RBM20: variants seen among roughly 807,000 people sequenced by gnomAD.
The protein encoded by RBM20 is RNA-binding protein 20.
RBM20 carries 51 observed loss-of-function variants against 110.1 expected under a neutral mutation model. The observed-to-expected ratio is 0.46, with a 90% confidence interval of 0.37 to 0.59. RBM20 has a LOEUF of 0.59. RBM20 is among the 20% of genes least tolerant of loss of function. The probability of loss-of-function intolerance (pLI) is 0.00; values close to 1 mark genes in which losing one functional copy is unlikely to be tolerated. For missense variants in RBM20, 1,512 were observed against 1,574.9 expected (o/e 0.96, Z 0.68); for synonymous variants, 589 against 618.2 (o/e 0.95, Z 0.70).
At chr10:110,746,286 C>T (rs920640543) in intron 1 of RBM20, among the ~76,000 whole-genome samples, 4 of 152,180 alleles carry the variant, frequency 2.6e-5, no homozygotes, top group African/African-American at 9.7e-5. Flanking sequence ...TGCTTCAAAG[C>T]AAGTCAAGAG....
In RBM20 at chr10:110,821,889, C is replaced by T. The variant is rs1590702098; in HGVS notation, c.3270C>T (p.Ile1090=). 7 of 1,551,690 alleles carry T rather than the reference C, an allele frequency of 4.5e-6. No homozygotes were observed. The highest frequency in any genetic ancestry group is 2.4e-5 in the East Asian group (1 of 40,918). The change falls in exon 11 of 14, where the codon ATC becomes ATT. Residue 1090 remains isoleucine, a synonymous_variant. Coordinates refer to ENST00000369519, the MANE Select transcript of RBM20 (RefSeq NM_001134363.3). ...TGGAGGAGAAAGCCAGCCCCCCCAT[C>T]GAAACTGACCTCCAAAACCAAGCTT... ...SPLEEKASPP[I]ETDLQNQACQ... is the part of the protein sequence containing the mutation.
At chr10:110,811,604 GT>G (rs1216272503) in intron 8 of RBM20, among the ~76,000 whole-genome samples, 1 of 152,130 alleles carries the variant, frequency 6.6e-6, no homozygotes, top group Non-Finnish European at 1.5e-5. Context: ...CCTTGTCTGG[GT>G]TTCAGTTTCT....
chr10:110,790,345 T>G (rs1844468977), intron 5 of RBM20, among the ~76,000 whole-genome samples: 1 of 152,230 alleles, frequency 6.6e-6, no homozygotes, highest in African/African-American at 2.4e-5. Context: ...CTCCTGTCCC[T>G]CCAGCAAGGG....
chr10:110,734,341 A>G (rs1283463018), intron 1 of RBM20, among the ~76,000 whole-genome samples: 1 of 152,178 alleles, frequency 6.6e-6, no homozygotes, highest in Non-Finnish European at 1.5e-5. Flanking sequence ...GTCCACAAAT[A>G]CTGCTATGTC....
chr10:110,760,984 T>C (rs1419975772), intron 1 of RBM20, among the ~76,000 whole-genome samples: 1 of 149,278 alleles, frequency 6.7e-6, no homozygotes, highest in Non-Finnish European at 1.5e-5. Context: ...TAATCTCAGC[T>C]ACTCAGGAGG....
chr10:110,700,695 G>A (rs2134893065), intron 1 of RBM20, among the ~76,000 whole-genome samples: 1 of 152,248 alleles, frequency 6.6e-6, no homozygotes, highest in East Asian at 1.9e-4. Flanking sequence ...AGCAACCAAA[G>A]CAGGAAATGG....
At chr10:110,748,001 T>C (rs1843804555) in intron 1 of RBM20, among the ~76,000 whole-genome samples, 2 of 152,270 alleles carry the variant, frequency 1.3e-5, no homozygotes, top group East Asian at 3.8e-4. Context: ...CATATGCTTT[T>C]ATTTACTGTC....
upstream of RBM20, among the ~76,000 whole-genome samples, chr10:110,644,243 C>G (rs1030305732): frequency 2.0e-5 from 3 of 152,138 alleles, no homozygotes; most frequent in African/African-American, 7.2e-5. The surrounding 1 kb of genome is among the most constrained non-coding windows in gnomAD (Gnocchi z 4.3). Context: ...CCCTGGCCCC[C>G]GCCCCCGCGT....
chr10:110,656,309 GA>G (rs943440630), intron 1 of RBM20, among the ~76,000 whole-genome samples: 16 of 149,002 alleles, frequency 1.1e-4, no homozygotes, highest in African/African-American at 2.5e-4. Context: ...ACTCCATCTC[GA>G]AAAAAAAAAT....
chr10:110,708,790 T>A (rs1443701762), intron 1 of RBM20, among the ~76,000 whole-genome samples: 2 of 152,158 alleles, frequency 1.3e-5, no homozygotes, highest in Non-Finnish European at 2.9e-5. Context: ...AAGGTGGTGT[T>A]GGGGCATTGA....
intron 1 of RBM20, among the ~76,000 whole-genome samples, chr10:110,773,689 C>A (rs925301398): frequency 6.6e-6 from 1 of 152,156 alleles, no homozygotes; most frequent in African/African-American, 2.4e-5. Context: ...ATGACACTAG[C>A]AGAATGTGTA....
intron 9 of RBM20, 54 bp downstream of exon 9, chr10:110,813,001 A>G: frequency 8.3e-7 from 1 of 1,202,466 alleles, no homozygotes; most frequent in South Asian, 1.7e-5. Context: ...AAGGAGAATA[A>G]TCATAATAAT....
chr10:110,705,665 T>C (rs1333027122), intron 1 of RBM20, among the ~76,000 whole-genome samples: 1 of 152,240 alleles, frequency 6.6e-6, no homozygotes, highest in Non-Finnish European at 1.5e-5. Context: ...GTAATACACA[T>C]ATGCTAATTT....
rs1365650397 is a variant in RBM20, at chr10:110,781,697, C to T, written c.1088C>T (p.Ser363Phe). 1 of 1,550,560 alleles carries T rather than the reference C, an allele frequency of 6.4e-7. No individual in the cohort carries two copies. The highest frequency in any genetic ancestry group is 1.4e-5 in the African/African-American group (1 of 73,156). ...CCAACCTCAGACAGGACACCTCCTTCCTTCGGGGGTCGGCTTAACAACAGC... is the reference window on the plus strand; with the variant it reads ...CCAACCTCAGACAGGACACCTCCTTTCTTCGGGGGTCGGCTTAACAACAGC... ...EEPTSDRTPP[S>F]FGGRLNNSKQ... Residue 363 changes from serine to phenylalanine, a missense_variant, in exon 2 of 14, where the codon TCC (serine) becomes TTC (phenylalanine). Physicochemically the swap from Ser to Phe is radical, Grantham distance 155. This residue lies in a region of RBM20 where 1,149 missense variants were observed against 1,169.4 expected (regional missense o/e 0.98). Coordinates refer to ENST00000369519, the MANE Select transcript of RBM20 (RefSeq NM_001134363.3).
At chr10:110,721,102 G>T (rs541341450) in intron 1 of RBM20, among the ~76,000 whole-genome samples, 4 of 152,132 alleles carry the variant, frequency 2.6e-5, no homozygotes. Context: ...GCCTTCCCTG[G>T]CCCTATCTCA....
intron 5 of RBM20, among the ~76,000 whole-genome samples, chr10:110,794,757 T>C (rs1057269092): frequency 6.6e-6 from 1 of 152,246 alleles, no homozygotes; most frequent in African/African-American, 2.4e-5. Context: ...TTTTTAAAAT[T>C]TGACTGGAAA....
At chr10:110,831,495 T>G (rs372359489) in intron 13 of RBM20, 4 of 209,030 alleles carry the variant, frequency 1.9e-5, no homozygotes, top group Admixed American at 1.6e-4. Context: ...TAAAACATCC[T>G]GTTTGGGTTG....
chr10:110,647,703 T>C (rs1400517592), intron 1 of RBM20, among the ~76,000 whole-genome samples: 1 of 152,208 alleles, frequency 6.6e-6, no homozygotes, highest in Non-Finnish European at 1.5e-5. Context: ...AGGATTTATC[T>C]CCTCCAACAT....
chr10:110,698,981 A>C (rs920404983), intron 1 of RBM20, among the ~76,000 whole-genome samples: 1 of 152,166 alleles, frequency 6.6e-6, no homozygotes, highest in Non-Finnish European at 1.5e-5. Flanking sequence ...CTTGGTGTGC[A>C]AGCTTCCAAG....
Sources: gnomAD v4.1 joint callset for allele counts (sites outside exome capture counted in the v4.1 genomes callset) on GRCh38, gnomAD v4.1.1 for gene constraint, gnomAD v4.1.1 regional missense constraint, Gnocchi (gnomAD v3.1) non-coding constraint, MANE v1.5 for transcripts, NCBI Gene and HGNC (gene_info 2026-07-23, HGNC 2026-07-21) for gene names.